The following PPP1R1C variants were observed in gnomAD, a reference collection of about 807,000 sequenced individuals.
PPP1R1C encodes the protein protein phosphatase 1 regulatory subunit 1C.
A neutral mutation model predicts 17.4 loss-of-function variants in PPP1R1C; 15 were observed. The observed-to-expected ratio is 0.86, with a 90% CI of 0.58 to 1.33. The LOEUF is 1.33. Among genes scored for constraint, PPP1R1C ranks in the 40% most tolerant of loss-of-function variants. The pLI is 0.00. For synonymous variants in PPP1R1C, 35 were observed against 43.1 expected (o/e 0.81, Z 0.73); for missense variants, 143 against 130.0 (o/e 1.10, Z -0.48).
chr2:182,030,248 G>T (rs955933968), intron 2 of PPP1R1C, among the ~76,000 whole-genome samples: 31 of 152,298 alleles, frequency 2.0e-4, no homozygotes, highest in South Asian at 1.0e-3. Context: ...TTGTTCCATT[G>T]CTGGTGAAGA....
chr2:181,972,167 T>C (rs1685021814), intron 1 of PPP1R1C, among the ~76,000 whole-genome samples: 1 of 152,236 alleles, frequency 6.6e-6, no homozygotes, highest in Non-Finnish European at 1.5e-5. Flanking sequence ...TCTCTCAATC[T>C]GGAGTTCTTT....
chr2:182,041,946 G>A (rs945470343), intron 2 of PPP1R1C, among the ~76,000 whole-genome samples: 20 of 152,040 alleles, frequency 1.3e-4, no homozygotes, highest in African/African-American at 3.9e-4. Flanking sequence ...TGGTTATTTC[G>A]TATATGTGTT....
At chr2:181,992,119 A>G (rs1354448402) in intron 2 of PPP1R1C, among the ~76,000 whole-genome samples, 1 of 152,206 alleles carries the variant, frequency 6.6e-6, no homozygotes, top group Non-Finnish European at 1.5e-5. Context: ...AGACATACAT[A>G]AACCAACCCA....
At chr2:182,033,632 T>C (rs1306149040) in intron 2 of PPP1R1C, among the ~76,000 whole-genome samples, 1 of 152,158 alleles carries the variant, frequency 6.6e-6, no homozygotes, top group Non-Finnish European at 1.5e-5. Context: ...TCCATTCTTT[T>C]ACGATAACCT....
chr2:182,030,518 G>T (rs1686787650), intron 2 of PPP1R1C, among the ~76,000 whole-genome samples: 1 of 150,348 alleles, frequency 6.7e-6, no homozygotes, highest in Non-Finnish European at 1.5e-5. Context: ...TCCCAGTTAG[G>T]CTGCTCGGGG....
intron 2 of PPP1R1C, among the ~76,000 whole-genome samples, chr2:182,042,822 A>T (rs1687225180): frequency 6.6e-6 from 1 of 152,196 alleles, no homozygotes; most frequent in Non-Finnish European, 1.5e-5. Context: ...ACCAAGTCAC[A>T]TTAAAAGGTA....
intron 2 of PPP1R1C, among the ~76,000 whole-genome samples, chr2:182,013,173 G>C (rs1317676513): frequency 6.6e-6 from 1 of 151,950 alleles, no homozygotes; most frequent in African/African-American, 2.4e-5. Context: ...TTTTCTTTCA[G>C]ACTGAAGAAC....
chr2:182,045,024 C>T (rs1402953878), intron 2 of PPP1R1C, among the ~76,000 whole-genome samples: 3 of 152,114 alleles, frequency 2.0e-5, no homozygotes, highest in Non-Finnish European at 4.4e-5. Context: ...GAACTTGGTG[C>T]CAAACATATT....
At chr2:182,051,840 A>C (rs911783872) in intron 2 of PPP1R1C, among the ~76,000 whole-genome samples, 4 of 152,072 alleles carry the variant, frequency 2.6e-5, no homozygotes, top group African/African-American at 9.7e-5. Context: ...TATTTTACAA[A>C]ACCCTTTTTT....
intron 4 of PPP1R1C, among the ~76,000 whole-genome samples, chr2:182,093,807 A>G (rs1459153466): frequency 1.3e-5 from 2 of 152,204 alleles, no homozygotes; most frequent in Admixed American, 6.5e-5. Flanking sequence ...CAGCCTGGAC[A>G]TTATTGTCCA....
At chr2:181,971,226 G>A (rs1339448449) in intron 1 of PPP1R1C, among the ~76,000 whole-genome samples, 1 of 152,170 alleles carries the variant, frequency 6.6e-6, no homozygotes, top group Non-Finnish European at 1.5e-5. Context: ...AAGGCCCACA[G>A]CGAGTACTGC....
intron 2 of PPP1R1C, among the ~76,000 whole-genome samples, chr2:182,005,874 C>A (rs1685903191): frequency 6.6e-6 from 1 of 152,088 alleles, no homozygotes; most frequent in Non-Finnish European, 1.5e-5. Context: ...CTTCAGTTTA[C>A]TCACATGTAA....
intron 2 of PPP1R1C, among the ~76,000 whole-genome samples, chr2:182,030,327 T>C (rs1209666373): frequency 1.3e-5 from 2 of 152,216 alleles, no homozygotes; most frequent in Admixed American, 6.5e-5. Context: ...TTCTGTTTTT[T>C]CCCCATCTTT....
intron 2 of PPP1R1C, among the ~76,000 whole-genome samples, chr2:182,040,443 G>A (rs1687147856): frequency 6.6e-6 from 1 of 152,046 alleles, no homozygotes; most frequent in Admixed American, 6.6e-5. Flanking sequence ...TTGGCCATCG[G>A]TATATCTTCT....
Position 181,976,717 on chromosome 2 carries a change from C to G in PPP1R1C, n.157+1453C>G, listed in dbSNP as rs987543035. The stretch of plus-strand genomic sequence containing the variant: ...ACCTCCTTGCAGCCCAGGACATATT[C>G]AAGTCTGGTTCATCTATAAAATAAA... On this transcript the variant is annotated intron_variant and non_coding_transcript_variant, in intron 2 of 5. Coordinates refer to the PPP1R1C transcript ENST00000464264. This position sits in a 1 kb window ranked among gnomAD's most constrained non-coding sequence, Gnocchi z 4.8. Among the ~76,000 whole-genome samples, 20 of 152,126 alleles carry G rather than the reference C, an allele frequency of 1.3e-4. No individual in the cohort carries two copies. The highest frequency in any genetic ancestry group is 2.6e-4 in the Non-Finnish European group (18 of 68,024).
intron 5 of PPP1R1C, among the ~76,000 whole-genome samples, chr2:182,124,898 C>G (rs1049618880): frequency 6.6e-6 from 1 of 152,090 alleles, no homozygotes; most frequent in Non-Finnish European, 1.5e-5. Context: ...TTTCTCTTGC[C>G]TGATTGCCCT....
chr2:181,994,048 T>A (rs983896472), intron 2 of PPP1R1C, among the ~76,000 whole-genome samples: 6 of 152,116 alleles, frequency 3.9e-5, no homozygotes, highest in Non-Finnish European at 7.4e-5. Context: ...ACCCCCTAAT[T>A]CATCAGGAGA....
chr2:182,084,787 G>GA (rs201527304), intron 4 of PPP1R1C, among the ~76,000 whole-genome samples: 1,669 of 152,058 alleles, frequency 0.011, 14 homozygotes, highest in South Asian at 0.04. Flanking sequence ...TTAATTCTGT[G>GA]AAAAAATGAT....
intron 2 of PPP1R1C, among the ~76,000 whole-genome samples, chr2:182,018,990 G>A (rs1005468933): frequency 5.3e-5 from 8 of 152,042 alleles, no homozygotes; most frequent in African/African-American, 7.2e-5. Flanking sequence ...AGTCATTTAC[G>A]AAAGTATAGT....
Sources: gnomAD v4.1 joint callset for allele counts (sites outside exome capture counted in the v4.1 genomes callset) on GRCh38, gnomAD v4.1.1 for gene constraint, Gnocchi (gnomAD v3.1) non-coding constraint, MANE v1.5 for transcripts, NCBI Gene and HGNC (gene_info 2026-07-23, HGNC 2026-07-21) for gene names.